The following MBNL2 variants were observed in gnomAD, a reference collection of about 807,000 sequenced individuals.
MBNL2 encodes the protein muscleblind-like protein 2.
Under a neutral mutation model 41.9 loss-of-function variants are expected in MBNL2, and 17 were observed. The observed-to-expected ratio is 0.41, with a 90% CI of 0.28 to 0.61. The LOEUF (loss-of-function observed/expected upper bound fraction) is 0.61. MBNL2 is among the 20% of genes least tolerant of loss of function. The pLI, the probability that MBNL2 is intolerant of heterozygous loss-of-function variation, is 0.35. For synonymous variants in MBNL2, 195 were observed against 182.9 expected, an observed-to-expected ratio of 1.07 and a Z score of -0.53; for missense variants, 336 against 505.6, an observed-to-expected ratio of 0.66 and a Z score of 3.22.
At chr13:97,354,199 C>G (rs1594256251) in intron 5 of MBNL2, among the ~76,000 whole-genome samples, 1 of 152,104 alleles carries the variant, frequency 6.6e-6, no homozygotes, top group Admixed American at 6.5e-5. Context: ...GGCTCAATTA[C>G]CTGTCTTGGT....
At chr13:97,198,837 C>T in the MBNL2 span, among the ~76,000 whole-genome samples, 2 of 152,116 alleles carry the variant, frequency 1.3e-5, no homozygotes, top group Non-Finnish European at 1.5e-5. Flanking sequence ...GCCACTGCTC[C>T]AATCCAAGCC....
Position 97,392,822 on chromosome 13 carries a change from G to A in MBNL2, c.*1373G>A, listed in dbSNP as rs901507602. On this transcript the variant is annotated 3_prime_UTR_variant, in exon 9 of 9. Coordinates refer to ENST00000679496, the MANE Select transcript of MBNL2 (RefSeq NM_001382683.1). ...AAAAAACAAAACAGCTGTTATAAAT[G>A]AATATTATGTGTAATTGTTTCAAAC... 4 of 152,316 alleles carry A rather than the reference G, an allele frequency of 2.6e-5. No individual in the cohort carries two copies. The highest frequency in any genetic ancestry group is 9.7e-5 in the African/African-American group (4 of 41,396). 9.4% of individuals were successfully genotyped at this position (152,316 alleles called of 1,614,324 possible). A position where few individuals can be genotyped will look rare whatever the true frequency, so the allele number is the denominator to read the frequency against.
At chr13:97,381,518 G>C (rs1011761371) in intron 8 of MBNL2, among the ~76,000 whole-genome samples, 4 of 151,622 alleles carry the variant, frequency 2.6e-5, no homozygotes, top group Admixed American at 1.3e-4. Context: ...TCTTGTTTCT[G>C]TGATTTTTCT....
At chr13:97,179,027 T>C in the MBNL2 span, among the ~76,000 whole-genome samples, 15,213 of 152,268 alleles carry the variant, frequency 0.1, 841 homozygotes, top group South Asian at 0.17. Flanking sequence ...TGAATCACTT[T>C]GGTGAAAACA....
chr13:97,266,944 C>T (rs1465428204), intron 1 of MBNL2, among the ~76,000 whole-genome samples: 1 of 152,108 alleles, frequency 6.6e-6, no homozygotes, highest in Admixed American at 6.5e-5. Context: ...CCCTAGGAGG[C>T]CGATGTCTGG....
chr13:97,192,314 T>C, the MBNL2 span, among the ~76,000 whole-genome samples: 2 of 152,202 alleles, frequency 1.3e-5, no homozygotes, highest in Admixed American at 1.3e-4. Context: ...TCTTCGCTAT[T>C]AGAATAGATA....
intron 1 of MBNL2, among the ~76,000 whole-genome samples, chr13:97,244,142 G>A (rs1038954337): frequency 6.6e-6 from 1 of 152,146 alleles, no homozygotes; most frequent in Non-Finnish European, 1.5e-5. Flanking sequence ...TAACTTACAG[G>A]ATTAGGTCAT....
intron 8 of MBNL2, among the ~76,000 whole-genome samples, chr13:97,384,251 G>T (rs2065745096): frequency 6.6e-6 from 1 of 152,154 alleles, no homozygotes; most frequent in African/African-American, 2.4e-5. Context: ...GTTCTTGAAA[G>T]TGTACATTTG....
chr13:97,277,389 G>A (rs895324560), intron 2 of MBNL2, among the ~76,000 whole-genome samples: 2 of 152,130 alleles, frequency 1.3e-5, no homozygotes, highest in African/African-American at 4.8e-5. Flanking sequence ...ACTTCAGCAA[G>A]GTTACCAAAC....
chr13:97,287,428 G>C lies in MBNL2; in HGVS notation c.174+11019G>C, dbSNP rs1471036339. Among the ~76,000 whole-genome samples, 4 of 152,320 alleles carry C rather than the reference G, an allele frequency of 2.6e-5. No individual in the cohort carries two copies. In the South Asian group the frequency reaches 8.3e-4, roughly 32 times the overall value. ...ACTGACATATATTGTGGGGTACCTAGTGATGTTTCGATGCATATAATATAT... is the reference window on the plus strand; with the variant it reads ...ACTGACATATATTGTGGGGTACCTACTGATGTTTCGATGCATATAATATAT... On this transcript the variant is annotated intron_variant, in intron 2 of 8. Transcript: ENST00000679496.
At chr13:97,284,552 C>G (rs181970255) in intron 2 of MBNL2, among the ~76,000 whole-genome samples, 39 of 152,258 alleles carry the variant, frequency 2.6e-4, no homozygotes, top group Admixed American at 9.2e-4. Context: ...CTGCAACTAC[C>G]CTATTTCTAA....
the MBNL2 span, among the ~76,000 whole-genome samples, chr13:97,208,701 C>T: frequency 6.6e-6 from 1 of 152,142 alleles, no homozygotes; most frequent in African/African-American, 2.4e-5. Flanking sequence ...AGGTGAGAAG[C>T]TCCTAATAAT....
chr13:97,249,861 A>G (rs938741671), intron 1 of MBNL2, among the ~76,000 whole-genome samples: 1 of 152,126 alleles, frequency 6.6e-6, no homozygotes, highest in African/African-American at 2.4e-5. Context: ...TTGCTGTTTT[A>G]TGCTGCAAAA....
At chr13:97,254,499 T>G (rs1301735790) in intron 1 of MBNL2, among the ~76,000 whole-genome samples, 1 of 152,226 alleles carries the variant, frequency 6.6e-6, no homozygotes, top group Non-Finnish European at 1.5e-5. Context: ...TGTTATTAAC[T>G]TCCTCTGTCT....
the MBNL2 span, among the ~76,000 whole-genome samples, chr13:97,196,146 T>A: frequency 6.6e-6 from 1 of 152,180 alleles, no homozygotes; most frequent in Non-Finnish European, 1.5e-5. Context: ...GTATCCTCTG[T>A]GGGCAAGGTA....
chr13:97,271,450 AAAAAC>A (rs2050992679), intron 1 of MBNL2, among the ~76,000 whole-genome samples: 1 of 150,854 alleles, frequency 6.6e-6, no homozygotes, highest in African/African-American at 2.5e-5. Context: ...ATTTCTAAAA[AAAAAC>A]AAACAAAAAA....
At position 97,374,993 on chromosome 13, in the gene MBNL2, T is replaced by C. The variant is rs536594154; in HGVS notation, c.1048+9822T>C. ...GCTGTGAGCGGAATGGAATTCCTAC[T>C]CATGGGCACTTATCTACCCAAGCTC... is the stretch of plus-strand genomic sequence containing the variant. On this transcript the variant is annotated intron_variant, in intron 8 of 8. Transcript: ENST00000679496. Among the ~76,000 whole-genome samples, 8 of 152,294 alleles carry C rather than the reference T, an allele frequency of 5.3e-5. No homozygotes were observed. The East Asian group carries it at 1.4e-3, about 26-fold the overall frequency.
At chr13:97,203,915 T>C in the MBNL2 span, among the ~76,000 whole-genome samples, 12 of 130,184 alleles carry the variant, frequency 9.2e-5, no homozygotes, top group East Asian at 8.5e-4. Context: ...GATGGATGGA[T>C]GGACGGACGG....
At chr13:97,304,500 A>G (rs1974086) in intron 2 of MBNL2, among the ~76,000 whole-genome samples, 70,642 of 152,076 alleles carry the variant, frequency 0.46, 19,583 homozygotes, top group East Asian at 0.61. Flanking sequence ...AATATCTCAT[A>G]TACTCTAACT....
Sources: allele counts gnomAD v4.1 joint callset (sites outside exome capture counted in the v4.1 genomes callset), GRCh38; gene constraint gnomAD v4.1.1; transcripts MANE v1.5; gene names NCBI Gene and HGNC (gene_info 2026-07-23, HGNC 2026-07-21).